DBF4B: variants seen among roughly 807,000 people sequenced by gnomAD.
DBF4B encodes the protein DBF4B-CDC7 kinase regulatory subunit.
In DBF4B, 49 loss-of-function variants were observed where a neutral mutation model predicts 53.4. That is an observed-to-expected ratio of 0.92 (90% CI 0.73 to 1.16). The LOEUF (loss-of-function observed/expected upper bound fraction) is 1.16. Ranked by LOEUF, DBF4B falls within the 50% of genes most tolerant of loss-of-function variation. The probability of loss-of-function intolerance (pLI) is 0.00; values close to 1 mark genes in which losing one functional copy is unlikely to be tolerated. For missense variants in DBF4B, 692 were observed against 775.0 expected (o/e 0.89, Z 1.27); for synonymous variants, 257 against 288.7 (o/e 0.89, Z 1.11).
chr17:44,737,277 G>C (rs189485094), intron 8 of DBF4B, among the ~76,000 whole-genome samples: 2 of 152,164 alleles, frequency 1.3e-5, no homozygotes, highest in Non-Finnish European at 2.9e-5. Context: ...GATGGACTCC[G>C]TCTCCTGGTT....
Position 44,725,552 on chromosome 17 carries a change from A to G in DBF4B, c.225+2530A>G, listed in dbSNP as rs139694923. On this transcript the variant is annotated intron_variant, in intron 3 of 13. Transcript: ENST00000315005. ...ATTGTAGAACATTTTCATCACCCCA[A>G]AAAGGAAACCCTGTACCCATTATCA... Among the ~76,000 whole-genome samples the G allele has an allele frequency of 2.9e-3, 447 of 152,056 alleles. 2 individuals carry two copies. The highest frequency in any genetic ancestry group is 0.01 in the African/African-American group (433 of 41,460).
At position 44,736,787 on chromosome 17, in the gene DBF4B, G is replaced by A. The variant is rs1166629994; in HGVS notation, c.631-43G>A. The A allele has an allele frequency of 3.7e-6, 6 of 1,612,598 alleles. No individual in the cohort carries two copies. In the East Asian group the frequency reaches 6.7e-5, roughly 18 times the overall value. On this transcript the variant is annotated intron_variant, in intron 7 of 13. Coordinates refer to ENST00000315005, the MANE Select transcript of DBF4B (RefSeq NM_145663.3). ...TATCAGGCCCAGTTCCTTGACCCCC[G>A]TGGCTTCCTCACATCCTTAACCTAT... is the stretch of plus-strand genomic sequence containing the variant.
At chr17:44,717,677 C>T (rs1008627097) in intron 2 of DBF4B, among the ~76,000 whole-genome samples, 54 of 144,514 alleles carry the variant, frequency 3.7e-4, no homozygotes, top group Non-Finnish European at 7.5e-4. Context: ...CCACTGCACT[C>T]TAGCCTGGGT....
In DBF4B at chr17:44,749,202, A is replaced by G; in HGVS notation, c.1189+737A>G. On this transcript the variant is annotated intron_variant, in intron 13 of 13. Coordinates refer to ENST00000315005, the MANE Select transcript of DBF4B (RefSeq NM_145663.3). The surrounding 1 kb of genome is among the most constrained non-coding windows in gnomAD (Gnocchi z 4.4). ...CCAGTGCGGGAGCCAGCTGTTCCCG[A>G]TGCCTCTGGGCCCCCCAGCCTCTCC... The G allele has an allele frequency of 7.8e-7, 1 of 1,289,942 alleles. No homozygotes were observed. Among genetic ancestry groups the G allele is most frequent in the Non-Finnish European group, 1.0e-6 (1 of 988,842 alleles). 79.9% of individuals were successfully genotyped at this position (1,289,942 alleles called of 1,614,324 possible).
At chr17:44,713,079 G>T (rs1308951963) in intron 2 of DBF4B, among the ~76,000 whole-genome samples, 2 of 123,674 alleles carry the variant, frequency 1.6e-5, no homozygotes, top group African/African-American at 6.3e-5. Context: ...TTGCTCTGTC[G>T]CCCAGGCTGG....
chr17:44,718,990 C>G (rs998443435), intron 2 of DBF4B: 1 of 146,152 alleles, frequency 6.8e-6, no homozygotes. Flanking sequence ...TTTTTTGAGA[C>G]GGAGTCTTGT....
chr17:44,709,407 G>GC, intron 2 of DBF4B, 41 bp downstream of exon 2: 1 of 1,610,780 alleles, frequency 6.2e-7, no homozygotes, highest in Non-Finnish European at 8.5e-7. Flanking sequence ...GGTGAAAATT[G>GC]CCCCAGGGTC....
At chr17:44,735,395 G>A (rs562268389) in intron 7 of DBF4B, among the ~76,000 whole-genome samples, 36 of 152,282 alleles carry the variant, frequency 2.4e-4, no homozygotes, top group Middle Eastern at 3.4e-3. Context: ...TTTGTAGGCC[G>A]GGCACAGTGG....
intron 2 of DBF4B, among the ~76,000 whole-genome samples, chr17:44,711,628 G>A (rs1180662718): frequency 2.0e-5 from 3 of 151,600 alleles, no homozygotes; most frequent in Non-Finnish European, 4.4e-5. Flanking sequence ...CCTGGGCAAC[G>A]TGGTGAAACC....
intron 10 of DBF4B, among the ~76,000 whole-genome samples, chr17:44,746,348 G>C (rs1294222647): frequency 2.0e-5 from 3 of 152,122 alleles, no homozygotes; most frequent in Admixed American, 2.0e-4. Context: ...ACTGAACCAA[G>C]CTGGGGAGAC....
chr17:44,747,826 C>T (rs1298745448), intron 12 of DBF4B, among the ~76,000 whole-genome samples: 1 of 152,142 alleles, frequency 6.6e-6, no homozygotes. Flanking sequence ...GTGCTTGGGC[C>T]TCTCCTAGAT....
At chr17:44,745,074 G>A (rs1332983743) in intron 10 of DBF4B, among the ~76,000 whole-genome samples, 1 of 152,024 alleles carries the variant, frequency 6.6e-6, no homozygotes, top group Non-Finnish European at 1.5e-5. Flanking sequence ...TGGGAGTACA[G>A]GTGTGCACCA....
At chr17:44,736,385 G>T (rs995814479) in intron 7 of DBF4B, among the ~76,000 whole-genome samples, 5 of 152,260 alleles carry the variant, frequency 3.3e-5, no homozygotes, top group East Asian at 3.9e-4. Context: ...AAAGCAAATG[G>T]CTATCGTCTT....
At chr17:44,724,838 C>T (rs541861330) in intron 3 of DBF4B, among the ~76,000 whole-genome samples, 26 of 152,028 alleles carry the variant, frequency 1.7e-4, no homozygotes, top group African/African-American at 2.4e-4. Flanking sequence ...TTATAGCTGC[C>T]GGGCACGGTG....
chr17:44,747,020 A>T, intron 10 of DBF4B, 63 bp from the exon 11 acceptor site: 1 of 1,470,866 alleles, frequency 6.8e-7, no homozygotes, highest in Non-Finnish European at 9.5e-7. Context: ...GGCTCTAAGT[A>T]GTGGCTCCTC....
Position 44,749,908 on chromosome 17 carries a change from A to C in DBF4B, c.1190-687A>C. Reference sequence around the variant, plus strand: ...CCCCCAGCCCCCCACGCTCCCGCACACAGATCCTCAGGAACATATGAAGCA... The same window carrying C: ...CCCCCAGCCCCCCACGCTCCCGCACCCAGATCCTCAGGAACATATGAAGCA... On this transcript the variant is annotated intron_variant, in intron 13 of 13. Coordinates refer to ENST00000315005, the MANE Select transcript of DBF4B (RefSeq NM_145663.3). The surrounding 1 kb of genome is among the most constrained non-coding windows in gnomAD (Gnocchi z 4.4). 9.7e-7 allele frequency: 1 copy of C among 1,035,714 alleles called. No homozygotes were observed. The highest frequency in any genetic ancestry group is 1.2e-6 in the Non-Finnish European group (1 of 860,034). The allele number at this position is 1,035,714 out of a possible 1,614,324, so 64.2% of individuals were successfully genotyped here. A position where few individuals can be genotyped will look rare whatever the true frequency, so the allele number is the denominator to read the frequency against.
rs193218418 is a variant in DBF4B at position 44,716,075 on chromosome 17, C to G, written c.82+6709C>G. Reference sequence around the variant, plus strand: ...CCGATCTGAGGTAATCCACCCGCCTCGGCCTCCCAAAGTGCTGGGATTACA... The same window carrying G: ...CCGATCTGAGGTAATCCACCCGCCTGGGCCTCCCAAAGTGCTGGGATTACA... On this transcript the variant is annotated intron_variant, in intron 2 of 13. Coordinates refer to ENST00000315005, the MANE Select transcript of DBF4B (RefSeq NM_145663.3). Among the ~76,000 whole-genome samples the G allele has an allele frequency of 1.3e-4, 19 of 151,984 alleles. No homozygotes were observed. In the East Asian group the frequency reaches 3.5e-3, roughly 28 times the overall value.
At chr17:44,729,683 T>TACACATACAC (rs1974654515) in intron 3 of DBF4B, among the ~76,000 whole-genome samples, 1 of 138,178 alleles carries the variant, frequency 7.2e-6, no homozygotes, top group Non-Finnish European at 1.6e-5. Context: ...GTAATACACA[T>TACACATACAC]ACACACACAC....
chr17:44,721,611 C>G (rs527559129), intron 2 of DBF4B, among the ~76,000 whole-genome samples: 93 of 152,156 alleles, frequency 6.1e-4, no homozygotes, highest in African/African-American at 2.2e-3. Context: ...AATGGTTTTT[C>G]TTTTTCCTAT....
Sources: gnomAD v4.1 joint callset for allele counts (sites outside exome capture counted in the v4.1 genomes callset) on GRCh38, gnomAD v4.1.1 for gene constraint, Gnocchi (gnomAD v3.1) non-coding constraint, MANE v1.5 for transcripts, NCBI Gene and HGNC (gene_info 2026-07-23, HGNC 2026-07-21) for gene names.